TNIK: variants seen among roughly 807,000 people sequenced by gnomAD.
TNIK encodes TRAF2 and NCK interacting kinase, also known as TRAF2 and NCK-interacting protein kinase.
In TNIK, 49 loss-of-function variants were observed where a neutral mutation model predicts 191.3. The observed-to-expected ratio is 0.26, with a 90% CI of 0.20 to 0.32. The LOEUF (loss-of-function observed/expected upper bound fraction) is 0.32, where lower values mean the gene tolerates loss of function less well. Among genes scored for constraint, TNIK ranks in the 10% least tolerant of loss-of-function variants. TNIK has a pLI of 1.00. For synonymous variants in TNIK, 594 were observed against 600.9 expected, an observed-to-expected ratio of 0.99 and a Z score of 0.17; for missense variants, 1,155 against 1,702.3, an observed-to-expected ratio of 0.68 and a Z score of 5.66.
intron 15 of TNIK, among the ~76,000 whole-genome samples, chr3:171,130,261 A>G (rs1188901186): frequency 1.3e-5 from 2 of 152,200 alleles, no homozygotes. Flanking sequence ...TTAAACTCAT[A>G]CTAACCTCAC....
chr3:171,347,799 A>G (rs1312245835), intron 2 of TNIK, among the ~76,000 whole-genome samples: 1 of 152,194 alleles, frequency 6.6e-6, no homozygotes, highest in Non-Finnish European at 1.5e-5. Context: ...CTTAATACCA[A>G]GGAAACCTAG....
At chr3:171,276,424 T>C (rs1749758112) in intron 2 of TNIK, among the ~76,000 whole-genome samples, 1 of 152,034 alleles carries the variant, frequency 6.6e-6, no homozygotes, top group Admixed American at 6.5e-5. Flanking sequence ...CAAAGTGAAC[T>C]TGGATGTCGG....
At chr3:171,272,535 TTTTG>T (rs1415393200) in intron 2 of TNIK, among the ~76,000 whole-genome samples, 2 of 152,180 alleles carry the variant, frequency 1.3e-5, no homozygotes, top group East Asian at 1.9e-4. Flanking sequence ...TTCTCATTTC[TTTTG>T]TTTTTTTCTC....
intron 2 of TNIK, among the ~76,000 whole-genome samples, chr3:171,356,653 T>G (rs571042739): frequency 6.6e-6 from 1 of 152,282 alleles, no homozygotes; most frequent in Admixed American, 6.5e-5. Context: ...TATACACAAA[T>G]TTCCTCCTGG....
intron 18 of TNIK, among the ~76,000 whole-genome samples, chr3:171,112,551 A>T (rs1473322549): frequency 6.6e-6 from 1 of 152,220 alleles, no homozygotes; most frequent in Non-Finnish European, 1.5e-5. Flanking sequence ...GAGATACTCA[A>T]CTATATTTTA....
rs894883043 is a variant in TNIK, at chr3:171,175,296, G to A, written c.729C>T (p.Phe243=). The change falls in exon 9 of 33, where the codon TTC becomes TTT. Residue 243 remains phenylalanine, a synonymous_variant. Coordinates refer to ENST00000436636, the MANE Select transcript of TNIK (RefSeq NM_015028.4). Reference sequence around the variant, plus strand: ...GAGGCGCTGGGTTCCGGGGGATGAGGAAGAGAGCTCTCATGGGGTGCATGT... The same window carrying A: ...GAGGCGCTGGGTTCCGGGGGATGAGAAAGAGAGCTCTCATGGGGTGCATGT... ...LCDMHPMRAL[F]LIPRNPAPRL... The A allele has an allele frequency of 2.5e-6, 4 of 1,612,410 alleles. No individual in the cohort carries two copies. In the South Asian group the frequency reaches 3.3e-5, roughly 13 times the overall value.
chr3:171,181,976 GA>G (rs1448367321), intron 7 of TNIK, among the ~76,000 whole-genome samples: 1 of 152,046 alleles, frequency 6.6e-6, no homozygotes. Context: ...AAGGTTTAGG[GA>G]AAAAATATGT....
In TNIK at chr3:171,084,139, AAAAG is replaced by A. The variant is rs1276625486; in HGVS notation, c.3169+12_3169+15del. ...GTGGTTATTTAAAAAAAAAAAAAAA[AAAAG>A]CACCAACATACCCCACAGAGCTGCA... On this transcript the variant is annotated intron_variant, in intron 26 of 32. Transcript: ENST00000436636. The A allele has an allele frequency of 2.6e-6, 4 of 1,521,290 alleles. No individual in the cohort carries two copies. The highest frequency in any genetic ancestry group is 2.6e-6 in the Non-Finnish European group (3 of 1,139,292). The allele number at this position is 1,521,290 out of a possible 1,614,324, so 94.2% of individuals were successfully genotyped here.
At chr3:171,242,352 G>A (rs890414813) in intron 2 of TNIK, among the ~76,000 whole-genome samples, 3 of 152,096 alleles carry the variant, frequency 2.0e-5, no homozygotes, top group Non-Finnish European at 4.4e-5. Context: ...TGAAATAGGT[G>A]TAGGCATATG....
chr3:171,375,207 A>G (rs982500907), intron 1 of TNIK, among the ~76,000 whole-genome samples: 4 of 152,204 alleles, frequency 2.6e-5, no homozygotes, highest in Admixed American at 6.5e-5. Flanking sequence ...CTGATATGTA[A>G]TAGGACTTTA....
At chr3:171,376,789 TAGATG>T (rs1012588176) in intron 1 of TNIK, among the ~76,000 whole-genome samples, 1 of 149,910 alleles carries the variant, frequency 6.7e-6, no homozygotes, top group Non-Finnish European at 1.5e-5. Flanking sequence ...GATAGATAGA[TAGATG>T]AGAGAGATAT....
At chr3:171,224,283 G>T (rs528726191) in intron 3 of TNIK, among the ~76,000 whole-genome samples, 1 of 152,034 alleles carries the variant, frequency 6.6e-6, no homozygotes, top group African/African-American at 2.4e-5. Flanking sequence ...TTTGAGTGGC[G>T]GTTTGGTACT....
At chr3:171,244,778 C>G (rs1204691935) in intron 2 of TNIK, among the ~76,000 whole-genome samples, 1 of 151,118 alleles carries the variant, frequency 6.6e-6, no homozygotes, top group East Asian at 1.9e-4. Flanking sequence ...AAAATCAACT[C>G]AATAGTGATA....
chr3:171,157,715 C>T, intron 11 of TNIK, 51 bp from the exon 12 acceptor site: 1 of 1,535,984 alleles, frequency 6.5e-7, no homozygotes, highest in Non-Finnish European at 8.8e-7. Context: ...GGGGCCATGG[C>T]TACCAAGAGG....
intron 20 of TNIK, among the ~76,000 whole-genome samples, chr3:171,107,438 C>T (rs961339962): frequency 6.6e-6 from 1 of 151,896 alleles, no homozygotes; most frequent in Non-Finnish European, 1.5e-5. Context: ...GTTCATTTTA[C>T]AGAAAAGATT....
chr3:171,247,703 A>G (rs148162821), intron 2 of TNIK, among the ~76,000 whole-genome samples: 1 of 152,330 alleles, frequency 6.6e-6, no homozygotes, highest in East Asian at 1.9e-4. Context: ...CAAATCAAGG[A>G]AAGAGAAAGT....
At chr3:171,325,592 T>C (rs1005366488) in intron 2 of TNIK, among the ~76,000 whole-genome samples, 1 of 152,214 alleles carries the variant, frequency 6.6e-6, no homozygotes, top group Non-Finnish European at 1.5e-5. Flanking sequence ...CTTTTAGTTA[T>C]GGAACACACT....
At chr3:171,171,610 C>G (rs1437379150) in intron 9 of TNIK, among the ~76,000 whole-genome samples, 1 of 152,140 alleles carries the variant, frequency 6.6e-6, no homozygotes, top group African/African-American at 2.4e-5. Context: ...ATTTAAAGGG[C>G]ACATGAAAGA....
At chr3:171,145,545 C>T (rs1731445005) in intron 12 of TNIK, among the ~76,000 whole-genome samples, 1 of 152,114 alleles carries the variant, frequency 6.6e-6, no homozygotes, top group Admixed American at 6.5e-5. Flanking sequence ...CACTTTCAAG[C>T]ATGTGAATTT....
Sources: gnomAD v4.1 joint callset for allele counts (sites outside exome capture counted in the v4.1 genomes callset) on GRCh38, gnomAD v4.1.1 for gene constraint, MANE v1.5 for transcripts, NCBI Gene and HGNC (gene_info 2026-07-23, HGNC 2026-07-21) for gene names.